Variants in MYRIP observed in about 807,000 individuals in gnomAD.
The protein encoded by MYRIP is myosin VIIA and Rab interacting protein.
A neutral mutation model predicts 98.0 loss-of-function variants in MYRIP; 49 were observed. The observed-to-expected ratio is 0.50, with a 90% CI of 0.40 to 0.63. The LOEUF (loss-of-function observed/expected upper bound fraction) is 0.63, where lower values mean the gene tolerates loss of function less well. Ranked by LOEUF, MYRIP falls within the 30% of genes least tolerant of loss-of-function variation. The pLI, the probability that MYRIP is intolerant of heterozygous loss-of-function variation, is 0.00. For missense variants in MYRIP, 1,004 were observed against 1,058.2 expected (o/e 0.95, Z 0.71); for synonymous variants, 404 against 409.5 (o/e 0.99, Z 0.16).
At chr3:40,078,154 G>A (rs1466112020) in intron 3 of MYRIP, among the ~76,000 whole-genome samples, 3 of 152,242 alleles carry the variant, frequency 2.0e-5, no homozygotes, top group East Asian at 1.9e-4. Context: ...TACACCCTCC[G>A]CAGCCGCTGG....
intron 1 of MYRIP, among the ~76,000 whole-genome samples, chr3:39,854,856 C>T (rs937450844): frequency 1.3e-5 from 2 of 152,206 alleles, no homozygotes; most frequent in Admixed American, 1.3e-4. Context: ...TGCTTTCCCC[C>T]TTCTCCTAGG....
chr3:40,056,570 C>G (rs959141255), intron 3 of MYRIP, among the ~76,000 whole-genome samples: 1 of 152,148 alleles, frequency 6.6e-6, no homozygotes. Flanking sequence ...ATTTAACAAC[C>G]ACTATGTGCT....
rs199926745 is a variant in MYRIP at position 40,189,925 on chromosome 3, C to T, written c.1127C>T (p.Thr376Met). 72 of 1,614,188 alleles carry T rather than the reference C, an allele frequency of 4.5e-5. No homozygotes were observed. The highest frequency in any genetic ancestry group is 4.9e-5 in the Non-Finnish European group (58 of 1,180,046). Residue 376 changes from threonine (T) to methionine (M), a missense_variant, in exon 10 of 17, where the codon ACG becomes ATG. By Grantham distance (81) the Thr-to-Met change is moderately conservative (BLOSUM62 -1). This residue lies in a region of MYRIP where 880 missense variants were observed against 907.7 expected (regional missense o/e 0.97). Coordinates refer to ENST00000302541, the MANE Select transcript of MYRIP (RefSeq NM_015460.4). ...CTACTGGCCAAACCTAAGAGCGGGA[C>T]GTTTCAGGCCCTGGAGGTGGCCTCC... is the stretch of plus-strand genomic sequence containing the variant. ...TRLLAKPKSG[T>M]FQALEVASSV...
intron 1 of MYRIP, among the ~76,000 whole-genome samples, chr3:39,896,618 G>A (rs1943617067): frequency 1.3e-5 from 2 of 152,150 alleles, no homozygotes; most frequent in Non-Finnish European, 2.9e-5. Context: ...CATGGTCAAA[G>A]TGCAAAGCCC....
intron 3 of MYRIP, chr3:40,100,133 G>A: frequency 1.0e-6 from 1 of 985,428 alleles, no homozygotes; most frequent in Non-Finnish European, 1.2e-6. Flanking sequence ...TGGCCATGAG[G>A]ACATGGAGTG....
chr3:40,248,185 T>TA (rs2125718714), intron 13 of MYRIP: 1 of 152,366 alleles, frequency 6.6e-6, no homozygotes, highest in East Asian at 1.9e-4. Context: ...TCAACTTACT[T>TA]AGAGTCTACT....
chr3:40,190,318 C>G lies in MYRIP; in HGVS notation c.1520C>G (p.Thr507Ser). The change falls in exon 10 of 17, where the codon ACC becomes AGC. Residue 507 changes from threonine to serine, a missense_variant. Physicochemically the swap from Thr to Ser is moderately conservative, Grantham distance 58. Coordinates refer to ENST00000302541, the MANE Select transcript of MYRIP (RefSeq NM_015460.4). ...NFNPQLASRE[T>S]SDSSEPEEAP... The stretch of plus-strand genomic sequence containing the variant: ...AACCCCCAGTTGGCCAGCAGGGAGA[C>G]CTCGGACAGCAGCGAGCCGGAGGAG... 1.9e-6 allele frequency: 3 copies of G among 1,614,002 alleles called. No individual in the cohort carries two copies. The South Asian group carries it at 3.3e-5, about 18-fold the overall frequency.
intron 2 of MYRIP, among the ~76,000 whole-genome samples, chr3:40,043,580 T>C (rs1947596262): frequency 6.6e-6 from 1 of 152,170 alleles, no homozygotes; most frequent in African/African-American, 2.4e-5. Flanking sequence ...ATTTGAAAGC[T>C]TTTAAAAATC....
rs745947301 is a variant in MYRIP at position 40,189,877 on chromosome 3, A to G, written c.1079A>G (p.Asp360Gly). 2 of 1,614,088 alleles carry G rather than the reference A, an allele frequency of 1.2e-6. No homozygotes were observed. Among genetic ancestry groups the G allele is most frequent in the South Asian group, 2.2e-5 (2 of 91,068 alleles). Residue 360 changes from aspartate to glycine, a missense_variant, in exon 10 of 17, where the codon GAT becomes GGT. This residue lies in a region of MYRIP where 880 missense variants were observed against 907.7 expected (regional missense o/e 0.97). Transcript: ENST00000302541. ...GACGGGAACTGGGTGGCCCTGAAGG[A>G]TGGCGCTCCACCCCCCACCCGACTA... ...SPDGNWVALK[D>G]GAPPPTRLLA...
chr3:39,914,528 T>A (rs1944106700), intron 2 of MYRIP, among the ~76,000 whole-genome samples: 1 of 152,046 alleles, frequency 6.6e-6, no homozygotes, highest in Non-Finnish European at 1.5e-5. Flanking sequence ...TCTAAATACA[T>A]CTAAACAATA....
chr3:39,827,222 C>T (rs1288082967), intron 1 of MYRIP, among the ~76,000 whole-genome samples: 2 of 152,170 alleles, frequency 1.3e-5, no homozygotes, highest in African/African-American at 4.8e-5. Context: ...AAATGATCCT[C>T]CCACCTCAAC....
chr3:40,159,030 T>C (rs1010727168), intron 4 of MYRIP, among the ~76,000 whole-genome samples: 1 of 152,166 alleles, frequency 6.6e-6, no homozygotes, highest in Non-Finnish European at 1.5e-5. Context: ...AATTTGATCC[T>C]GTCATTATGA....
intron 2 of MYRIP, among the ~76,000 whole-genome samples, chr3:40,023,759 G>T (rs1947058061): frequency 6.6e-6 from 1 of 152,196 alleles, no homozygotes; most frequent in Non-Finnish European, 1.5e-5. Flanking sequence ...CTATGGAAAT[G>T]GGAGTGGAAG....
chr3:39,906,598 A>G (rs28638064), intron 2 of MYRIP, among the ~76,000 whole-genome samples: 1 of 152,206 alleles, frequency 6.6e-6, no homozygotes, highest in Non-Finnish European at 1.5e-5. Flanking sequence ...GACTTTTTCC[A>G]TACCTTTATT....
At chr3:39,886,836 C>G (rs140335708) in intron 1 of MYRIP, among the ~76,000 whole-genome samples, 13,692 of 151,480 alleles carry the variant, frequency 0.09, 883 homozygotes, top group African/African-American at 0.18. Flanking sequence ...GCACCAAGCG[C>G]ACCTAATAGA....
intron 3 of MYRIP, among the ~76,000 whole-genome samples, chr3:40,138,356 C>G (rs1949825319): frequency 1.3e-5 from 2 of 152,162 alleles, no homozygotes; most frequent in Admixed American, 6.5e-5. Context: ...TAAGGCACAA[C>G]CTATCCCATT....
At chr3:40,247,149 C>G (rs1182152154) in intron 13 of MYRIP, among the ~76,000 whole-genome samples, 1 of 152,056 alleles carries the variant, frequency 6.6e-6, no homozygotes, top group Admixed American at 6.5e-5. Flanking sequence ...ATTATTCCCC[C>G]TTTATTGGAT....
Position 40,086,986 on chromosome 3 carries a change from G to A in MYRIP, c.332+42715G>A, listed in dbSNP as rs1004154650. 3.9e-4 allele frequency among the ~76,000 whole-genome samples: 60 copies of A among 152,092 alleles called. 1 individual carries two copies. Among genetic ancestry groups the A allele is most frequent in the Non-Finnish European group, 1.5e-4 (10 of 68,010 alleles). On this transcript the variant is annotated intron_variant, in intron 3 of 16. Transcript: ENST00000302541. The stretch of plus-strand genomic sequence containing the variant: ...CCCTATGACCAGGACAATGCTGGGG[G>A]TGATTGGGGAATTCATAATATGCCA...
chr3:39,826,755 T>C (rs1918023), intron 1 of MYRIP, among the ~76,000 whole-genome samples: 36,840 of 152,138 alleles, frequency 0.24, 4,893 homozygotes, highest in Middle Eastern at 0.32. Context: ...TCAATGATTA[T>C]TGTATTGAGG....
Sources: allele counts gnomAD v4.1 joint callset (sites outside exome capture counted in the v4.1 genomes callset), GRCh38; gene constraint gnomAD v4.1.1; regional missense constraint gnomAD v4.1.1; transcripts MANE v1.5; gene names NCBI Gene and HGNC (gene_info 2026-07-23, HGNC 2026-07-21).